Variants in SCCPDH observed in about 807,000 individuals in gnomAD.
SCCPDH encodes the protein saccharopine dehydrogenase (putative).
Under a neutral mutation model 51.5 loss-of-function variants are expected in SCCPDH, and 34 were observed. The observed-to-expected ratio is 0.66, with a 90% CI of 0.50 to 0.88. The LOEUF (loss-of-function observed/expected upper bound fraction) is 0.88. Among genes scored for constraint, SCCPDH ranks in the 40% least tolerant of loss-of-function variants. SCCPDH has a pLI of 0.00. For missense variants in SCCPDH, 464 were observed against 527.1 expected (o/e 0.88, Z 1.17); for synonymous variants, 187 against 191.3 (o/e 0.98, Z 0.19).
At chr1:246,727,178 G>T (rs1233542757) in intron 2 of SCCPDH, among the ~76,000 whole-genome samples, 174 bp downstream of exon 2, 1 of 152,234 alleles carries the variant, frequency 6.6e-6, no homozygotes, top group African/African-American at 2.4e-5. Flanking sequence ...TCTCCTGAGA[G>T]AGTGAGTGAC....
chr1:246,756,012 C>A (rs1668925479), intron 5 of SCCPDH, among the ~76,000 whole-genome samples: 1 of 152,090 alleles, frequency 6.6e-6, no homozygotes, highest in Non-Finnish European at 1.5e-5. Context: ...ATTGTGGATG[C>A]CCTCACGGTT....
At chr1:246,735,508 T>G (rs77361804) in intron 2 of SCCPDH, among the ~76,000 whole-genome samples, 1 of 152,136 alleles carries the variant, frequency 6.6e-6, no homozygotes, top group East Asian at 1.9e-4. Flanking sequence ...CTGTGAGAGA[T>G]GGTATTGTGC....
chr1:246,764,462 A>G (rs1351337734), intron 10 of SCCPDH, 105 bp downstream of exon 10: 2 of 549,656 alleles, frequency 3.6e-6, no homozygotes, highest in African/African-American at 3.9e-5. Context: ...TGTTTTAGAA[A>G]TACATTTGTA....
intron 2 of SCCPDH, among the ~76,000 whole-genome samples, 159 bp from the exon 3 acceptor site, chr1:246,735,816 G>A (rs1668558553): frequency 2.0e-5 from 3 of 152,250 alleles, no homozygotes; most frequent in African/African-American, 7.2e-5. Context: ...ACAGGTGTGA[G>A]CCACTGTGCC....
At chr1:246,746,850 A>T (rs1196350155) in intron 5 of SCCPDH, among the ~76,000 whole-genome samples, 2 of 152,226 alleles carry the variant, frequency 1.3e-5, no homozygotes, top group East Asian at 3.8e-4. Context: ...CAAAAATAAA[A>T]ATAAGTGATA....
At chr1:246,750,253 C>T (rs1442527386) in intron 5 of SCCPDH, among the ~76,000 whole-genome samples, 2 of 152,116 alleles carry the variant, frequency 1.3e-5, no homozygotes, top group African/African-American at 4.8e-5. Flanking sequence ...GGGGGGGTAC[C>T]TGTGCTGAAA....
intron 5 of SCCPDH, among the ~76,000 whole-genome samples, chr1:246,754,689 A>G (rs1483976241): frequency 6.6e-6 from 1 of 152,196 alleles, no homozygotes; most frequent in Non-Finnish European, 1.5e-5. Context: ...TCCACTGAGC[A>G]GACATGTGTC....
chr1:246,759,975 G>GT lies in SCCPDH; in HGVS notation c.833dup (p.Thr279AsnfsTer10), dbSNP rs917348619. Reference sequence around the variant, plus strand: ...CATCTAGGTTCAGTATGCTGCGTATGTAACTGTGGGAGGCATCACCTCTGT... The same window carrying GT: ...CATCTAGGTTCAGTATGCTGCGTATGTTAACTGTGGGAGGCATCACCTCTGT... On this transcript the variant is annotated frameshift_variant, in exon 8 of 12. Coordinates refer to ENST00000366510, the MANE Select transcript of SCCPDH (RefSeq NM_016002.3). LOFTEE classifies it high-confidence loss of function. 1 of 1,613,064 alleles carries GT rather than the reference G, an allele frequency of 6.2e-7. No homozygotes were observed. The highest frequency in any genetic ancestry group is 1.3e-5 in the African/African-American group (1 of 74,890).
In SCCPDH at chr1:246,740,416, G is replaced by A. The variant is rs190018679; in HGVS notation, c.514+115G>A. Reference sequence around the variant, plus strand: ...AAAAAAGAAACATAGCCATAAATGGGTAATATTAAACACATGTTTTGTTTT... The same window carrying A: ...AAAAAAGAAACATAGCCATAAATGGATAATATTAAACACATGTTTTGTTTT... On this transcript the variant is annotated intron_variant, in intron 4 of 11. Coordinates refer to ENST00000366510, the MANE Select transcript of SCCPDH (RefSeq NM_016002.3). 1.9e-4 allele frequency: 164 copies of A among 846,180 alleles called. No individual in the cohort carries two copies. The Admixed American group carries it at 4.2e-3, about 22-fold the overall frequency. 52.4% of individuals were successfully genotyped at this position (846,180 alleles called of 1,614,324 possible). A position where few individuals can be genotyped will look rare whatever the true frequency, so the allele number is the denominator to read the frequency against.
At chr1:246,752,584 G>A (rs1279037429) in intron 5 of SCCPDH, among the ~76,000 whole-genome samples, 1 of 152,140 alleles carries the variant, frequency 6.6e-6, no homozygotes, top group Non-Finnish European at 1.5e-5. Context: ...ATAGGGTATT[G>A]CTTTCTCTTT....
At chr1:246,737,565 T>C (rs534396727) in intron 3 of SCCPDH, among the ~76,000 whole-genome samples, 4 of 152,092 alleles carry the variant, frequency 2.6e-5, no homozygotes, top group Non-Finnish European at 5.9e-5. Context: ...TTAAGTCATC[T>C]AGAAACTATC....
At chr1:246,750,697 G>A (rs566488390) in intron 5 of SCCPDH, among the ~76,000 whole-genome samples, 1 of 152,238 alleles carries the variant, frequency 6.6e-6, no homozygotes, top group Admixed American at 6.5e-5. Context: ...CTAATGCCTT[G>A]ACTACATTAC....
At position 246,767,273 on chromosome 1, in the gene SCCPDH, T is replaced by G; in HGVS notation, c.1263T>G (p.Phe421Leu). 6.2e-7 allele frequency: 1 copy of G among 1,607,950 alleles called. No individual in the cohort carries two copies. Among genetic ancestry groups the G allele is most frequent in the Non-Finnish European group, 8.5e-7 (1 of 1,176,520 alleles). Residue 421 changes from phenylalanine (F) to leucine (L), a missense_variant, in exon 12 of 12, where the codon TTT becomes TTG. Phe to Leu is a conservative substitution (Grantham distance 22, BLOSUM62 0). Transcript: ENST00000366510. ...GACTCAACAAACACGGTATTGAGTT[T>G]AGTGTTATTAGCAGCTCTGAAGTCT... ...IDRLNKHGIEFSVISSSEV is the reference protein window; with the variant it reads ...IDRLNKHGIELSVISSSEV
At chr1:246,755,231 C>T (rs2102988967) in intron 5 of SCCPDH, among the ~76,000 whole-genome samples, 1 of 152,304 alleles carries the variant, frequency 6.6e-6, no homozygotes, top group South Asian at 2.1e-4. Flanking sequence ...TGTTTATAAT[C>T]TCATGCAATT....
At chr1:246,766,198 A>C (rs1669085678) in intron 11 of SCCPDH, 59 bp downstream of exon 11, 1 of 1,233,848 alleles carries the variant, frequency 8.1e-7, no homozygotes, top group Admixed American at 2.0e-5. Context: ...ATTTTAGCTT[A>C]TTTTGATTTG....
At position 246,759,104 on chromosome 1, in the gene SCCPDH, G is replaced by A. The variant is rs751109708; in HGVS notation, c.766G>A (p.Val256Ile). 6.8e-6 allele frequency: 11 copies of A among 1,610,208 alleles called. No homozygotes were observed. The highest frequency in any genetic ancestry group is 9.3e-6 in the Non-Finnish European group (11 of 1,176,544). The stretch of plus-strand genomic sequence containing the variant: ...TTTTATGGGATCTGATGTGTCTGTT[G>A]TAAGGAGGACTCAACGTTACTTGTA... ...IPFMGSDVSV[V>I]RRTQRYLYEN... The change falls in exon 7 of 12, where the codon GTA becomes ATA. Residue 256 changes from valine (V) to isoleucine (I), a missense_variant. Coordinates refer to ENST00000366510, the MANE Select transcript of SCCPDH (RefSeq NM_016002.3).
At chr1:246,724,803 G>A (rs1395975154) in intron 1 of SCCPDH, among the ~76,000 whole-genome samples, 191 bp downstream of exon 1, 1 of 152,190 alleles carries the variant, frequency 6.6e-6, no homozygotes, top group Non-Finnish European at 1.5e-5. Flanking sequence ...CTATATGTGT[G>A]TGTGCGCGTG....
chr1:246,738,895 ATCT>A (rs1324814831), intron 3 of SCCPDH, among the ~76,000 whole-genome samples: 4 of 152,228 alleles, frequency 2.6e-5, no homozygotes, highest in African/African-American at 7.2e-5. Flanking sequence ...GAAGAGACAA[ATCT>A]TCTTTGTGGA....
intron 11 of SCCPDH, among the ~76,000 whole-genome samples, chr1:246,766,475 G>A (rs1379980100): frequency 6.6e-6 from 1 of 151,710 alleles, no homozygotes; most frequent in Non-Finnish European, 1.5e-5. Flanking sequence ...CTTCCAATCA[G>A]TGCCTAACTA....
Sources: allele counts gnomAD v4.1 joint callset (sites outside exome capture counted in the v4.1 genomes callset), GRCh38; gene constraint gnomAD v4.1.1; transcripts MANE v1.5; gene names NCBI Gene and HGNC (gene_info 2026-07-23, HGNC 2026-07-21).